Variants in NBEA observed in about 807,000 individuals in gnomAD.
NBEA encodes neurobeachin, also known as lysosomal-trafficking regulator 2.
Under a neutral mutation model 343.4 loss-of-function variants are expected in NBEA, and 44 were observed. The observed-to-expected ratio is 0.13, with a 90% CI of 0.10 to 0.16. The LOEUF (loss-of-function observed/expected upper bound fraction) is 0.16. Among genes scored for constraint, NBEA ranks in the 10% least tolerant of loss-of-function variants. NBEA has a pLI of 1.00. For synonymous variants in NBEA, 1,175 were observed against 1,238.7 expected (o/e 0.95, Z 1.08); for missense variants, 2,555 against 3,631.3 (o/e 0.70, Z 7.62).
intron 41 of NBEA, among the ~76,000 whole-genome samples, chr13:35,513,660 A>G (rs2077372825): frequency 6.6e-6 from 1 of 151,998 alleles, no homozygotes; most frequent in Non-Finnish European, 1.5e-5. Context: ...TCTTTTCAGA[A>G]GTGAGGTATA....
chr13:35,192,916 T>TA (rs1241605516), intron 30 of NBEA, among the ~76,000 whole-genome samples: 3 of 151,946 alleles, frequency 2.0e-5, no homozygotes, highest in Non-Finnish European at 4.4e-5. Context: ...TAACGATACT[T>TA]AGACATTATA....
Position 35,308,468 on chromosome 13 carries a change from ATATATG to A in NBEA, c.5839-1054_5839-1049del, listed in dbSNP as rs371932156. On this transcript the variant is annotated intron_variant, in intron 35 of 58. Transcript: ENST00000379939. Reference sequence around the variant, plus strand: ...TATATATATATATATATATATATATATATATGTATATATATATGTGTATATATATGT... The same window carrying A: ...TATATATATATATATATATATATATATATATATATATGTGTATATATATGT... 8.6e-3 allele frequency among the ~76,000 whole-genome samples: 819 copies of A among 94,766 alleles called. 19 individuals are homozygous for A. Among genetic ancestry groups the A allele is most frequent in the Middle Eastern group, 0.02 (3 of 152 alleles). 62.2% of individuals were successfully genotyped at this position (94,766 alleles called of 152,430 possible). A position where few individuals can be genotyped will look rare whatever the true frequency, so the allele number is the denominator to read the frequency against.
chr13:35,414,645 G>T (rs1456527069), intron 38 of NBEA, among the ~76,000 whole-genome samples: 3 of 152,114 alleles, frequency 2.0e-5, no homozygotes, highest in Non-Finnish European at 4.4e-5. Flanking sequence ...GGACATTTGG[G>T]TTGGTTCCAA....
chr13:35,445,286 A>C (rs1351244980), intron 39 of NBEA, among the ~76,000 whole-genome samples: 1 of 152,152 alleles, frequency 6.6e-6, no homozygotes, highest in Non-Finnish European at 1.5e-5. Context: ...TTATGTATTC[A>C]GTATACTTTT....
At chr13:35,126,310 G>A (rs2067130678) in intron 17 of NBEA, among the ~76,000 whole-genome samples, 1 of 152,094 alleles carries the variant, frequency 6.6e-6, no homozygotes, top group South Asian at 2.1e-4. Context: ...AGAACTGTGA[G>A]TCAATTAAAC....
At chr13:35,503,468 T>C (rs1317194332) in intron 41 of NBEA, among the ~76,000 whole-genome samples, 3 of 151,930 alleles carry the variant, frequency 2.0e-5, no homozygotes, top group Non-Finnish European at 4.4e-5. Context: ...TTATTTCTTT[T>C]AGTAGCTACA....
At chr13:35,155,621 TGAAA>T (rs1298393363) in intron 18 of NBEA, among the ~76,000 whole-genome samples, 149 bp from the exon 19 acceptor site, 1 of 152,160 alleles carries the variant, frequency 6.6e-6, no homozygotes, top group Non-Finnish European at 1.5e-5. Context: ...AACTCCGTCT[TGAAA>T]GAAAGAAAGA....
chr13:35,019,472 T>G (rs1029401552), intron 1 of NBEA, among the ~76,000 whole-genome samples: 1 of 151,940 alleles, frequency 6.6e-6, no homozygotes, highest in Non-Finnish European at 1.5e-5. Context: ...TAATTTTTTG[T>G]ATTTTTAGTA....
intron 34 of NBEA, among the ~76,000 whole-genome samples, chr13:35,288,762 G>A (rs1425501291): frequency 6.6e-6 from 1 of 151,794 alleles, no homozygotes; most frequent in Non-Finnish European, 1.5e-5. Flanking sequence ...TTATATCAAA[G>A]CCTTATTGTC....
rs151094985 is a variant in NBEA at position 35,175,976 on chromosome 13, A to G, written c.4555-1020A>G. 4.4e-3 allele frequency among the ~76,000 whole-genome samples: 663 copies of G among 152,220 alleles called. 4 individuals are homozygous for G. Among genetic ancestry groups the G allele is most frequent in the African/African-American group, 0.015 (642 of 41,566 alleles). On this transcript the variant is annotated intron_variant, in intron 27 of 58. Transcript: ENST00000379939. ...GAAAATATTTCTAATCTTAAAATCT[A>G]TGTTATAAATTCATTTATGCTGTAA... is the stretch of plus-strand genomic sequence containing the variant.
chr13:35,487,230 A>G (rs925446149), intron 41 of NBEA, among the ~76,000 whole-genome samples: 1 of 151,918 alleles, frequency 6.6e-6, no homozygotes, highest in African/African-American at 2.4e-5. Flanking sequence ...AAATTTTTTC[A>G]ATGATACATA....
chr13:35,444,652 A>T (rs1210101135), intron 39 of NBEA, among the ~76,000 whole-genome samples: 1 of 152,008 alleles, frequency 6.6e-6, no homozygotes, highest in Non-Finnish European at 1.5e-5. Context: ...ATTAGACCAG[A>T]TTTCTATTCT....
At chr13:35,458,923 A>G (rs1296260636) in intron 40 of NBEA, among the ~76,000 whole-genome samples, 3 of 151,894 alleles carry the variant, frequency 2.0e-5, no homozygotes, top group Non-Finnish European at 4.4e-5. Context: ...TAGCAACACA[A>G]GGAAGAAGTA....
chr13:35,119,879 G>A (rs1160927678), intron 16 of NBEA, among the ~76,000 whole-genome samples: 1 of 152,114 alleles, frequency 6.6e-6, no homozygotes, highest in South Asian at 2.1e-4. Flanking sequence ...GTAAGCCACC[G>A]TGCCCAGCCT....
chr13:35,639,540 T>C (rs989639904), intron 49 of NBEA, among the ~76,000 whole-genome samples: 1 of 152,210 alleles, frequency 6.6e-6, no homozygotes, highest in African/African-American at 2.4e-5. Context: ...TGTATTTTTT[T>C]ATTTTGTGTC....
chr13:35,319,415 G>C (rs2037979793), intron 36 of NBEA, among the ~76,000 whole-genome samples: 1 of 152,194 alleles, frequency 6.6e-6, no homozygotes, highest in African/African-American at 2.4e-5. Flanking sequence ...TTTTAAGTGA[G>C]TTTCTTAATC....
At chr13:35,342,685 C>T (rs1177534548) in intron 36 of NBEA, among the ~76,000 whole-genome samples, 1 of 151,914 alleles carries the variant, frequency 6.6e-6, no homozygotes, top group African/African-American at 2.4e-5. Context: ...GCAGAAGAGG[C>T]TTATGATGTT....
At chr13:35,426,003 G>A (rs934134212) in intron 38 of NBEA, among the ~76,000 whole-genome samples, 2 of 152,164 alleles carry the variant, frequency 1.3e-5, no homozygotes, top group Non-Finnish European at 1.5e-5. Flanking sequence ...TTGCTTGGTA[G>A]ATCTTTCTCC....
Position 35,308,484 on chromosome 13 carries a change from ATG to A in NBEA, c.5839-1040_5839-1039del, listed in dbSNP as rs1261151768. On this transcript the variant is annotated intron_variant, in intron 35 of 58. Transcript: ENST00000379939. ...TATATATATATATATGTATATATAT[ATG>A]TGTATATATATGTGTATATATATAT... Among the ~76,000 whole-genome samples, 9 of 121,352 alleles carry A rather than the reference ATG, an allele frequency of 7.4e-5. No homozygotes were observed. In the East Asian group the frequency reaches 1.4e-3, roughly 18 times the overall value. 79.6% of individuals were successfully genotyped at this position (121,352 alleles called of 152,430 possible).
Sources: allele counts gnomAD v4.1 joint callset (sites outside exome capture counted in the v4.1 genomes callset), GRCh38; gene constraint gnomAD v4.1.1; transcripts MANE v1.5; gene names NCBI Gene and HGNC (gene_info 2026-07-23, HGNC 2026-07-21).